Variants in AP1AR observed in about 807,000 individuals in gnomAD.
AP1AR encodes the protein adaptor related protein complex 1 associated regulatory protein.
Under a neutral mutation model 46.3 loss-of-function variants are expected in AP1AR, and 29 were observed. The observed-to-expected ratio is 0.63, with a 90% CI of 0.47 to 0.85. AP1AR has a LOEUF of 0.85. Among genes scored for constraint, AP1AR ranks in the 40% least tolerant of loss-of-function variants. AP1AR has a pLI of 0.00. For missense variants in AP1AR, 357 were observed against 356.3 expected (o/e 1.00, Z -0.02); for synonymous variants, 122 against 122.9 (o/e 0.99, Z 0.05).
chr4:112,252,358 T>A (rs1459064297), intron 1 of AP1AR, among the ~76,000 whole-genome samples: 3 of 152,226 alleles, frequency 2.0e-5, no homozygotes, highest in African/African-American at 7.2e-5. Context: ...TAGTACAAAT[T>A]TGGATCCCCA....
intron 1 of AP1AR, among the ~76,000 whole-genome samples, chr4:112,249,035 G>A (rs1266919878): frequency 1.3e-5 from 2 of 152,214 alleles, no homozygotes; most frequent in African/African-American, 2.4e-5. Flanking sequence ...GCTCACGCCT[G>A]TAATCCCAGC....
chr4:112,266,399 A>C (rs984826624), intron 8 of AP1AR, among the ~76,000 whole-genome samples, 189 bp from the exon 9 acceptor site: 1 of 151,850 alleles, frequency 6.6e-6, no homozygotes, highest in South Asian at 2.1e-4. Flanking sequence ...GGCAAAAAAA[A>C]AGAGAGAAAA....
chr4:112,272,339 A>G lies in AP1AR; in HGVS notation c.*3930A>G, dbSNP rs1408560819. Among the ~76,000 whole-genome samples, 1 of 152,174 alleles carries G rather than the reference A, an allele frequency of 6.6e-6. No individual in the cohort carries two copies. The highest frequency in any genetic ancestry group is 1.5e-5 in the Non-Finnish European group (1 of 68,030). The stretch of plus-strand genomic sequence containing the variant: ...TGAGCTCATGGGCAACAACTTCCCA[A>G]TAAGAATTTAAGATGGCAGAGTTTG... On this transcript the variant is annotated 3_prime_UTR_variant, in exon 10 of 10. Coordinates refer to ENST00000274000, the MANE Select transcript of AP1AR (RefSeq NM_018569.6).
intron 1 of AP1AR, among the ~76,000 whole-genome samples, chr4:112,244,146 A>G (rs1208272107): frequency 6.6e-6 from 1 of 152,234 alleles, no homozygotes; most frequent in African/African-American, 2.4e-5. Context: ...TAAAGATGCC[A>G]TCTAAATAAA....
chr4:112,242,549 CA>C (rs1725550993), intron 1 of AP1AR, among the ~76,000 whole-genome samples: 1 of 152,100 alleles, frequency 6.6e-6, no homozygotes, highest in African/African-American at 2.4e-5. Flanking sequence ...CCACTAGTGG[CA>C]AAAGGTGAAG....
intron 7 of AP1AR, among the ~76,000 whole-genome samples, 195 bp from the exon 8 acceptor site, chr4:112,265,539 A>C (rs1279464952): frequency 6.6e-6 from 1 of 151,992 alleles, no homozygotes; most frequent in African/African-American, 2.4e-5. Context: ...AGGATTAATG[A>C]AAATCTTCTT....
chr4:112,244,983 C>G (rs931009913), intron 1 of AP1AR, among the ~76,000 whole-genome samples: 3 of 152,126 alleles, frequency 2.0e-5, no homozygotes, highest in Non-Finnish European at 4.4e-5. Context: ...CCAATTTACA[C>G]TATAATTTTA....
chr4:112,260,609 A>C (rs1416358324), intron 4 of AP1AR, among the ~76,000 whole-genome samples, 157 bp from the exon 5 acceptor site: 1 of 152,258 alleles, frequency 6.6e-6, no homozygotes, highest in Non-Finnish European at 1.5e-5. Flanking sequence ...TAGAATGTAT[A>C]CTTTTTACTC....
In AP1AR at chr4:112,231,960, C is replaced by T. The variant is rs1165424404; in HGVS notation, c.-132C>T. 2.5e-6 allele frequency: 2 copies of T among 788,946 alleles called. No individual in the cohort carries two copies. The highest frequency in any genetic ancestry group is 1.8e-5 in the African/African-American group (1 of 55,704). 48.9% of individuals were successfully genotyped at this position (788,946 alleles called of 1,614,324 possible). A position where few individuals can be genotyped will look rare whatever the true frequency, so the allele number is the denominator to read the frequency against. On this transcript the variant is annotated 5_prime_UTR_variant, in exon 1 of 10. Coordinates refer to ENST00000274000, the MANE Select transcript of AP1AR (RefSeq NM_018569.6). ...TCGTCGCCCCGTGCCCTCACGCCGC[C>T]GGGCTCTGGCCGGCCCGCCCTCGGT...
At chr4:112,264,085 CCTCT>C (rs144358931) in intron 6 of AP1AR, among the ~76,000 whole-genome samples, 4 of 151,516 alleles carry the variant, frequency 2.6e-5, no homozygotes, top group Non-Finnish European at 4.4e-5. Flanking sequence ...CATTTTTTTC[CCTCT>C]CTCTCTCTGC....
chr4:112,248,248 G>A (rs781627518), intron 1 of AP1AR, among the ~76,000 whole-genome samples: 11 of 152,142 alleles, frequency 7.2e-5, no homozygotes, highest in Non-Finnish European at 1.6e-4. Flanking sequence ...GGGCTGATAT[G>A]GACTAAAAGA....
rs147556420 is a variant in AP1AR, at chr4:112,251,940, A to G, written c.84-1268A>G. Among the ~76,000 whole-genome samples the G allele has an allele frequency of 6.0e-4, 92 of 152,322 alleles. No homozygotes were observed. The East Asian group carries it at 0.017, about 28-fold the overall frequency. ...TTGCTATTTTTTTCCTTCAGTCATG[A>G]TATGGCATTCTCTTTCACTAAACCT... On this transcript the variant is annotated intron_variant, in intron 1 of 9. Coordinates refer to ENST00000274000, the MANE Select transcript of AP1AR (RefSeq NM_018569.6).
intron 2 of AP1AR, among the ~76,000 whole-genome samples, chr4:112,253,678 T>C (rs959243765): frequency 2.0e-5 from 3 of 152,232 alleles, no homozygotes; most frequent in African/African-American, 7.2e-5. Flanking sequence ...AACTACCATT[T>C]ATTCCTTACC....
At chr4:112,262,774 C>A (rs1300134754) in intron 5 of AP1AR, among the ~76,000 whole-genome samples, 1 of 152,148 alleles carries the variant, frequency 6.6e-6, no homozygotes, top group East Asian at 1.9e-4. Flanking sequence ...AACTCAGTTT[C>A]TAAGGAATTC....
chr4:112,234,025 AT>A (rs1198319308), intron 1 of AP1AR, among the ~76,000 whole-genome samples: 1 of 152,044 alleles, frequency 6.6e-6, no homozygotes, highest in East Asian at 1.9e-4. Flanking sequence ...TGCCCGGCTA[AT>A]TTTTTTGTAT....
intron 1 of AP1AR, among the ~76,000 whole-genome samples, chr4:112,236,686 C>T (rs1725255628): frequency 6.6e-6 from 1 of 152,186 alleles, no homozygotes. Flanking sequence ...CAGGCACGAG[C>T]CACTGCGCCC....
intron 1 of AP1AR, among the ~76,000 whole-genome samples, chr4:112,242,356 C>T (rs946652605): frequency 6.6e-6 from 1 of 152,076 alleles, no homozygotes; most frequent in African/African-American, 2.4e-5. Flanking sequence ...CAGTCATAGC[C>T]TTTCTTTTCT....
intron 1 of AP1AR, among the ~76,000 whole-genome samples, chr4:112,250,934 C>G (rs1199682410): frequency 2.0e-5 from 3 of 152,060 alleles, no homozygotes; most frequent in Non-Finnish European, 4.4e-5. Flanking sequence ...TTGTGGGGGA[C>G]AGAAGCCCAA....
At chr4:112,249,020 C>T (rs776518956) in intron 1 of AP1AR, among the ~76,000 whole-genome samples, 3 of 152,124 alleles carry the variant, frequency 2.0e-5, no homozygotes, top group African/African-American at 4.8e-5. Flanking sequence ...GTTCCGGGTG[C>T]GGTGGCTCAC....
Sources: allele counts gnomAD v4.1 joint callset (sites outside exome capture counted in the v4.1 genomes callset), GRCh38; gene constraint gnomAD v4.1.1; transcripts MANE v1.5; gene names NCBI Gene and HGNC (gene_info 2026-07-23, HGNC 2026-07-21).